PIN4: variants seen among roughly 807,000 people sequenced by gnomAD.
The protein encoded by PIN4 is peptidylprolyl cis/trans isomerase, NIMA-interacting 4.
Under a neutral mutation model 8.3 loss-of-function variants are expected in PIN4, and 3 were observed. The observed-to-expected ratio is 0.36, with a 90% CI of 0.16 to 0.93. The LOEUF is 0.93. Ranked by LOEUF, PIN4 falls within the 40% of genes least tolerant of loss-of-function variation. PIN4 has a pLI of 0.44. For synonymous variants in PIN4, 18 were observed against 32.5 expected, an observed-to-expected ratio of 0.55 and a Z score of 1.52; for missense variants, 75 against 100.6, an observed-to-expected ratio of 0.75 and a Z score of 1.09.
At chrX:72,233,576 G>A (rs1265836568) in intron 3 of PIN4, among the ~76,000 whole-genome samples, 1 of 109,087 alleles carries the variant, frequency 9.2e-6, no homozygotes, top group East Asian at 2.9e-4. Flanking sequence ...CAAAAAATTA[G>A]CTGGGCATGG....
At chrX:72,234,638 G>C (rs181348150) in intron 3 of PIN4, among the ~76,000 whole-genome samples, 1 of 111,204 alleles carries the variant, frequency 9.0e-6, no homozygotes, top group African/African-American at 3.3e-5. Flanking sequence ...CCTTATACCA[G>C]TGAGTGACAA....
At chrX:72,249,932 C>A (rs1262191618) in intron 3 of PIN4, among the ~76,000 whole-genome samples, 2 of 110,791 alleles carry the variant, frequency 1.8e-5, no homozygotes, top group Non-Finnish European at 3.8e-5. Flanking sequence ...CCAGGCCTCA[C>A]CCCTAATTAA....
chrX:72,196,263 C>T (rs1001601115), intron 2 of PIN4, among the ~76,000 whole-genome samples: 7 of 109,298 alleles, frequency 6.4e-5, no homozygotes, highest in South Asian at 3.9e-4. Flanking sequence ...CGGCCGTGAG[C>T]GGCGGCTCAC....
At chrX:72,194,701 CAAAAAAAAAAAAA>C (rs56123643) in intron 2 of PIN4, among the ~76,000 whole-genome samples, 2,851 of 50,211 alleles carry the variant, frequency 0.057, 137 homozygotes, top group African/African-American at 0.16. Flanking sequence ...AACTCCATCT[CAAAAAAAAAAAAA>C]AAAAAAAAAA....
chrX:72,203,523 A>C (rs1460473466), intron 3 of PIN4, among the ~76,000 whole-genome samples: 2 of 111,664 alleles, frequency 1.8e-5, no homozygotes, highest in Non-Finnish European at 3.8e-5. Context: ...GGTAGTGTCG[A>C]AACAGAATCG....
At chrX:72,221,304 T>C (rs1206796078) in intron 3 of PIN4, among the ~76,000 whole-genome samples, 1 of 112,094 alleles carries the variant, frequency 8.9e-6, no homozygotes, top group Non-Finnish European at 1.9e-5. Context: ...TCTGGCTTTC[T>C]CACGGTACCA....
intron 3 of PIN4, among the ~76,000 whole-genome samples, chrX:72,211,903 G>C (rs2042856593): frequency 8.9e-6 from 1 of 112,047 alleles, no homozygotes; most frequent in African/African-American, 3.2e-5. Flanking sequence ...TGGCAAAACT[G>C]CCCAGTTGCT....
chrX:72,238,001 G>A (rs2043027354), intron 3 of PIN4: 1 of 111,102 alleles, frequency 9.0e-6, no homozygotes, highest in African/African-American at 3.3e-5. Flanking sequence ...AATAATGGTT[G>A]CTAGGGGCTG....
At chrX:72,251,201 C>CAA (rs982488875) in intron 3 of PIN4, among the ~76,000 whole-genome samples, 1 of 92,763 alleles carries the variant, frequency 1.1e-5, no homozygotes, top group African/African-American at 4.0e-5. Flanking sequence ...ACTAAAAATA[C>CAA]AAAAAAAAAA....
At chrX:72,252,033 G>A (rs1009606263) in intron 3 of PIN4, among the ~76,000 whole-genome samples, 1 of 112,199 alleles carries the variant, frequency 8.9e-6, no homozygotes, top group Non-Finnish European at 1.9e-5. Flanking sequence ...GGCAAATTCA[G>A]TGTCTGGTGA....
intron 2 of PIN4, among the ~76,000 whole-genome samples, chrX:72,195,101 C>T (rs1007003036): frequency 3.6e-5 from 4 of 112,149 alleles, no homozygotes; most frequent in African/African-American, 1.3e-4. Flanking sequence ...TCATGTTTCC[C>T]TGTAGTTAAG....
At chrX:72,259,074 T>A (rs932239263) in intron 3 of PIN4, among the ~76,000 whole-genome samples, 1 of 111,660 alleles carries the variant, frequency 9.0e-6, no homozygotes, top group Non-Finnish European at 1.9e-5. Flanking sequence ...CAAAACACTT[T>A]TGTTGTCATC....
intron 3 of PIN4, among the ~76,000 whole-genome samples, chrX:72,214,501 C>T (rs954180654): frequency 9.1e-6 from 1 of 109,523 alleles, no homozygotes; most frequent in African/African-American, 3.3e-5. Flanking sequence ...TGGTGAAACC[C>T]ATCTCTACTA....
At chrX:72,257,360 G>T (rs1316610510) in intron 3 of PIN4, among the ~76,000 whole-genome samples, 1 of 110,276 alleles carries the variant, frequency 9.1e-6, no homozygotes, top group African/African-American at 3.3e-5. Flanking sequence ...GACGTGATTT[G>T]ACTTGTGTTG....
rs878901539 is a variant in PIN4 at position 72,204,987 on chromosome X, T to G, written c.312+8083T>G. The stretch of plus-strand genomic sequence containing the variant: ...AAATTCCCTCATATTCAGTTTCACT[T>G]TAAAATACAATAAACAGGTTACATT... On this transcript the variant is annotated intron_variant, in intron 3 of 3. Transcript: ENST00000423432. 6.2e-6 allele frequency: 7 copies of G among 1,126,019 alleles called. No homozygotes were observed. The South Asian group carries it at 1.5e-4, about 24-fold the overall frequency. The allele number at this position is 1,126,019 out of a possible 1,213,427, so 92.8% of individuals were successfully genotyped here.
chrX:72,197,822 T>C lies in PIN4; in HGVS notation c.*296T>C. 2 of 785,985 alleles carry C rather than the reference T, an allele frequency of 2.5e-6. No individual in the cohort carries two copies. The highest frequency in any genetic ancestry group is 6.3e-5 in the South Asian group (1 of 15,906). 64.8% of individuals were successfully genotyped at this position (785,985 alleles called of 1,213,427 possible). A position where few individuals can be genotyped will look rare whatever the true frequency, so the allele number is the denominator to read the frequency against. ...AGAACTATATCTGACTCTCAGTCTGTCCCATAAATTAATTCAGAAACCATC... is the reference window on the plus strand; with the variant it reads ...AGAACTATATCTGACTCTCAGTCTGCCCCATAAATTAATTCAGAAACCATC... On this transcript the variant is annotated 3_prime_UTR_variant, in exon 4 of 4. Coordinates refer to ENST00000373669, the MANE Select transcript of PIN4 (RefSeq NM_006223.4).
At chrX:72,229,833 T>C (rs889013460) in intron 3 of PIN4, among the ~76,000 whole-genome samples, 4 of 111,726 alleles carry the variant, frequency 3.6e-5, no homozygotes, top group African/African-American at 1.3e-4. Context: ...TTCCATAACA[T>C]ACTTTAAGGC....
chrX:72,194,088 A>T (rs1181832301), intron 2 of PIN4, among the ~76,000 whole-genome samples: 5 of 112,001 alleles, frequency 4.5e-5, no homozygotes, highest in East Asian at 2.8e-4. Context: ...TGTAGCTTAC[A>T]TGTATAGTGT....
At chrX:72,226,229 C>G (rs1384260099) in intron 3 of PIN4, among the ~76,000 whole-genome samples, 3 of 111,504 alleles carry the variant, frequency 2.7e-5, no homozygotes, top group African/African-American at 9.8e-5. Context: ...TGTTCTACCC[C>G]CTTACTTCCA....
Sources: allele counts gnomAD v4.1 joint callset (sites outside exome capture counted in the v4.1 genomes callset), GRCh38; gene constraint gnomAD v4.1.1; transcripts MANE v1.5; gene names NCBI Gene and HGNC (gene_info 2026-07-23, HGNC 2026-07-21).